AIDA: variants seen among roughly 807,000 people sequenced by gnomAD.
AIDA encodes the protein axin interactor, dorsalization-associated protein.
Under a neutral mutation model 42.7 loss-of-function variants are expected in AIDA, and 18 were observed. That is an observed-to-expected ratio of 0.42 (90% CI 0.29 to 0.63). The LOEUF is 0.63. Among genes scored for constraint, AIDA ranks in the 20% least tolerant of loss-of-function variants. AIDA has a pLI of 0.19. For synonymous variants in AIDA, 104 were observed against 122.9 expected (o/e 0.85, Z 1.02); for missense variants, 250 against 354.1 (o/e 0.71, Z 2.36).
chr1:222,705,747 G>A lies in AIDA; in HGVS notation c.111-2530C>T, dbSNP rs191718028. Among the ~76,000 whole-genome samples, 814 of 152,168 alleles carry A rather than the reference G, an allele frequency of 5.3e-3. 3 individuals are homozygous for A. Among genetic ancestry groups the A allele is most frequent in the Non-Finnish European group, 8.6e-3 (586 of 67,998 alleles). The stretch of plus-strand genomic sequence containing the variant: ...AAAAATATGAAAATTAGCGGGGCGT[G>A]GTGGCTGGCACCTGTAATCCCAGCT... On this transcript the variant is annotated intron_variant, in intron 1 of 9. Coordinates refer to ENST00000340020, the MANE Select transcript of AIDA (RefSeq NM_022831.4).
intron 1 of AIDA, among the ~76,000 whole-genome samples, chr1:222,708,803 A>T (rs1312902553): frequency 6.6e-6 from 1 of 152,142 alleles, no homozygotes; most frequent in East Asian, 1.9e-4. Flanking sequence ...CAGATAGCTA[A>T]ATGCAGTTAT....
chr1:222,698,325 G>C (rs1456071585), intron 2 of AIDA, among the ~76,000 whole-genome samples: 1 of 151,504 alleles, frequency 6.6e-6, no homozygotes. Context: ...TCGTGAAAAT[G>C]AATATAAGTT....
intron 7 of AIDA, among the ~76,000 whole-genome samples, chr1:222,675,025 C>T (rs1664519814): frequency 6.6e-6 from 1 of 152,054 alleles, no homozygotes; most frequent in African/African-American, 2.4e-5. Flanking sequence ...TATTTGATAC[C>T]TGATAACATC....
intron 8 of AIDA, among the ~76,000 whole-genome samples, chr1:222,671,156 A>G (rs1664441467): frequency 6.6e-6 from 1 of 152,060 alleles, no homozygotes; most frequent in South Asian, 2.1e-4. Context: ...GAGCCCAGGG[A>G]GATTGAGGCT....
At position 222,673,829 on chromosome 1, in the gene AIDA, AC is replaced by A. The variant is rs1270484078; in HGVS notation, c.584-395del. 2.0e-5 allele frequency among the ~76,000 whole-genome samples: 3 copies of A among 151,824 alleles called. No individual in the cohort carries two copies. The East Asian group carries it at 5.8e-4, about 30-fold the overall frequency. On this transcript the variant is annotated intron_variant, in intron 7 of 9. Coordinates refer to ENST00000340020, the MANE Select transcript of AIDA (RefSeq NM_022831.4). ...TAGGGCACGGTGGCTCACACCTGTA[AC>A]CCCAGAACTTTGGGAGGCTGAGGCG...
intron 4 of AIDA, among the ~76,000 whole-genome samples, chr1:222,693,434 G>A (rs578133202): frequency 5.9e-5 from 9 of 152,276 alleles, no homozygotes; most frequent in African/African-American, 1.9e-4. Flanking sequence ...CTGGACTGTA[G>A]TTTTCAATGA....
intron 2 of AIDA, among the ~76,000 whole-genome samples, chr1:222,694,976 G>T (rs1417377853): frequency 3.3e-5 from 5 of 152,126 alleles, no homozygotes; most frequent in African/African-American, 1.2e-4. Context: ...ACGACCAGGA[G>T]GATTTCTAAA....
At chr1:222,710,447 A>G (rs905500054) in intron 1 of AIDA, among the ~76,000 whole-genome samples, 6 of 152,248 alleles carry the variant, frequency 3.9e-5, no homozygotes, top group African/African-American at 1.4e-4. Context: ...TCAATTGGAC[A>G]TGGTATTCTT....
In AIDA at chr1:222,686,924, A is replaced by G; in HGVS notation, c.460+6T>C. ...ATAATGTTTATTTTTAATAAGTGAT[A>G]CCTACCGGGAACTCTAGCAGGAAAA... On this transcript the variant is annotated splice_donor_region_variant and intron_variant, in intron 6 of 9. Coordinates refer to ENST00000340020, the MANE Select transcript of AIDA (RefSeq NM_022831.4). The G allele has an allele frequency of 6.2e-7, 1 of 1,612,474 alleles. No individual in the cohort carries two copies. Among genetic ancestry groups the G allele is most frequent in the Non-Finnish European group, 8.5e-7 (1 of 1,179,582 alleles).
chr1:222,708,571 T>C (rs1344088883), intron 1 of AIDA, among the ~76,000 whole-genome samples: 1 of 151,938 alleles, frequency 6.6e-6, no homozygotes. Flanking sequence ...GGTTTCGTCA[T>C]GTTGGCCGGG....
rs1333661246 is a variant in AIDA at position 222,676,168 on chromosome 1, T to C, written c.511A>G (p.Ile171Val). The C allele has an allele frequency of 1.2e-6, 2 of 1,613,268 alleles. No individual in the cohort carries two copies. The highest frequency in any genetic ancestry group is 1.7e-6 in the Non-Finnish European group (2 of 1,179,684). ...PSEPGMTLLT[I>V]RIEKIGLKDA... ...TTCAAACCAATTTTCTCAATTCTGATAGTGAGTAATGTCATTCCTGGTTCC... is the reference window on the plus strand; with the variant it reads ...TTCAAACCAATTTTCTCAATTCTGACAGTGAGTAATGTCATTCCTGGTTCC... Residue 171 changes from isoleucine (I) to valine (V), a missense_variant, in exon 7 of 10, where the codon ATC (isoleucine) becomes GTC (valine). Around this residue, in one of 4 missense-constraint regions of AIDA, gnomAD observed 199 missense variants for 232.6 expected, o/e 0.86. Coordinates refer to ENST00000340020, the MANE Select transcript of AIDA (RefSeq NM_022831.4).
At chr1:222,670,929 A>C (rs1222866846) in intron 8 of AIDA, among the ~76,000 whole-genome samples, 1 of 152,148 alleles carries the variant, frequency 6.6e-6, no homozygotes, top group Non-Finnish European at 1.5e-5. Context: ...AGAAATTTAG[A>C]CAGTTCTGGC....
chr1:222,670,436 G>C lies in AIDA; in HGVS notation c.707-186C>G, dbSNP rs1016150299. On this transcript the variant is annotated intron_variant, in intron 8 of 9. Coordinates refer to ENST00000340020, the MANE Select transcript of AIDA (RefSeq NM_022831.4). ...TGTCACCCCGAACTCTTCTGTATCT[G>C]AGTAGAGTGACATTTCTCCTTATCA... Among the ~76,000 whole-genome samples, 3 of 152,306 alleles carry C rather than the reference G, an allele frequency of 2.0e-5. No individual in the cohort carries two copies. In the Middle Eastern group the frequency reaches 0.01, roughly 518 times the overall value.
In AIDA at chr1:222,712,320, C is replaced by G; in HGVS notation, c.-3G>C. 1.3e-6 allele frequency: 2 copies of G among 1,548,272 alleles called. No homozygotes were observed. The highest frequency in any genetic ancestry group is 1.7e-6 in the Non-Finnish European group (2 of 1,146,150). On this transcript the variant is annotated 5_prime_UTR_variant, in exon 1 of 10. Transcript: ENST00000340020. Reference sequence around the variant, plus strand: ...AGACTCCGGGTCACCTCCGACATGGCCGGTCCCCACCCCGTCCCCTCCCGC... The same window carrying G: ...AGACTCCGGGTCACCTCCGACATGGGCGGTCCCCACCCCGTCCCCTCCCGC...
chr1:222,711,835 T>G, intron 1 of AIDA: 1 of 231,618 alleles, frequency 4.3e-6, no homozygotes, highest in South Asian at 4.5e-5. Flanking sequence ...CAAAAGGAAA[T>G]CGAGGAAAAG....
intron 5 of AIDA, among the ~76,000 whole-genome samples, chr1:222,687,270 A>C (rs1427223622): frequency 6.6e-6 from 1 of 152,062 alleles, no homozygotes; most frequent in Non-Finnish European, 1.5e-5. Flanking sequence ...TCTCTACTAA[A>C]ATACAAAAAA....
chr1:222,693,108 CTA>C (rs1241537466), intron 4 of AIDA, among the ~76,000 whole-genome samples: 2 of 152,074 alleles, frequency 1.3e-5, no homozygotes, highest in African/African-American at 4.8e-5. Flanking sequence ...TTCTAAAATG[CTA>C]TGATTTTATG....
At chr1:222,688,728 T>C (rs1193332807) in intron 4 of AIDA, among the ~76,000 whole-genome samples, 1 of 151,986 alleles carries the variant, frequency 6.6e-6, no homozygotes, top group Non-Finnish European at 1.5e-5. Flanking sequence ...GCTTCCCGAG[T>C]AGCTAGGATT....
chr1:222,685,276 T>C (rs1664724206), intron 6 of AIDA, among the ~76,000 whole-genome samples: 1 of 152,216 alleles, frequency 6.6e-6, no homozygotes, highest in Non-Finnish European at 1.5e-5. Context: ...ATCTTGTTAA[T>C]CTTCACAGTA....
Sources: allele counts gnomAD v4.1 joint callset (sites outside exome capture counted in the v4.1 genomes callset), GRCh38; gene constraint gnomAD v4.1.1; regional missense constraint gnomAD v4.1.1; transcripts MANE v1.5; gene names NCBI Gene and HGNC (gene_info 2026-07-23, HGNC 2026-07-21).